The following IL1RAPL1 variants were observed in gnomAD, a reference collection of about 807,000 sequenced individuals.
The protein encoded by IL1RAPL1 is interleukin 1 receptor accessory protein like 1, also known as interleukin-1 receptor accessory protein-like 1.
A neutral mutation model predicts 48.4 loss-of-function variants in IL1RAPL1; 3 were observed. The observed-to-expected ratio is 0.06, with a 90% confidence interval of 0.03 to 0.16. The LOEUF (loss-of-function observed/expected upper bound fraction) is 0.16, where lower values mean the gene tolerates loss of function less well. IL1RAPL1 is among the 10% of genes least tolerant of loss of function. IL1RAPL1 has a pLI of 1.00. For synonymous variants in IL1RAPL1, 185 were observed against 187.7 expected (o/e 0.99, Z 0.12); for missense variants, 349 against 530.6 (o/e 0.66, Z 3.36).
chrX:29,169,015 A>G (rs1929860409), intron 2 of IL1RAPL1, among the ~76,000 whole-genome samples: 1 of 105,348 alleles, frequency 9.5e-6, no homozygotes, highest in South Asian at 4.0e-4. Flanking sequence ...ATATATGATA[A>G]ATGTGATATA....
chrX:29,230,529 A>AAAAAAAAAAAAAAAAAAAC (rs869274263), intron 2 of IL1RAPL1, among the ~76,000 whole-genome samples: 3 of 98,638 alleles, frequency 3.0e-5, no homozygotes, highest in Admixed American at 1.1e-4. Flanking sequence ...AAAAAAAAAA[A>AAAAAAAAAAAAAAAAAAAC]AAAAAACCTT....
chrX:29,550,186 C>A (rs189876283), intron 5 of IL1RAPL1, among the ~76,000 whole-genome samples: 72 of 110,587 alleles, frequency 6.5e-4, no homozygotes, highest in African/African-American at 2.3e-3. Flanking sequence ...AAATTCTTTT[C>A]TTTTCTTTTC....
intron 1 of IL1RAPL1, among the ~76,000 whole-genome samples, chrX:28,745,131 G>T (rs1935958461): frequency 9.0e-6 from 1 of 111,381 alleles, no homozygotes; most frequent in Admixed American, 9.6e-5. Flanking sequence ...TGGAAAGGGG[G>T]GTAAGTTGTG....
At chrX:29,727,680 T>C (rs1927809236) in intron 6 of IL1RAPL1, among the ~76,000 whole-genome samples, 1 of 111,606 alleles carries the variant, frequency 9.0e-6, no homozygotes. Context: ...TTCTCCCTCA[T>C]GCGCTCATCT....
intron 2 of IL1RAPL1, among the ~76,000 whole-genome samples, chrX:29,236,790 C>G (rs1295511594): frequency 1.9e-5 from 2 of 105,065 alleles, no homozygotes; most frequent in Non-Finnish European, 3.9e-5. Flanking sequence ...AGGATGGTCT[C>G]GATCTCCTGA....
At chrX:28,974,360 G>C (rs1488215063) in intron 2 of IL1RAPL1, among the ~76,000 whole-genome samples, 1 of 111,747 alleles carries the variant, frequency 8.9e-6, no homozygotes, top group African/African-American at 3.3e-5. Flanking sequence ...TTTAATTATT[G>C]AGTTTTCAAT....
At chrX:29,232,339 C>A (rs1299958252) in intron 2 of IL1RAPL1, among the ~76,000 whole-genome samples, 2 of 111,582 alleles carry the variant, frequency 1.8e-5, no homozygotes, top group Non-Finnish European at 3.8e-5. Context: ...AGGCTAGTAA[C>A]TAAAACATAT....
intron 2 of IL1RAPL1, among the ~76,000 whole-genome samples, chrX:29,081,214 T>C (rs1321755716): frequency 1.1e-5 from 1 of 91,787 alleles, no homozygotes; most frequent in East Asian, 3.6e-4. Context: ...CCACCACACC[T>C]GGCTAATTTT....
At chrX:29,238,313 A>G (rs1931346963) in intron 2 of IL1RAPL1, among the ~76,000 whole-genome samples, 1 of 112,201 alleles carries the variant, frequency 8.9e-6, no homozygotes, top group African/African-American at 3.2e-5. Flanking sequence ...CATGCAGTGA[A>G]TGTTTAAGAA....
At chrX:29,498,575 GTT>G (rs1935239478) in intron 5 of IL1RAPL1, among the ~76,000 whole-genome samples, 1 of 106,425 alleles carries the variant, frequency 9.4e-6, no homozygotes, top group Non-Finnish European at 1.9e-5. Context: ...TTAAATTGTG[GTT>G]TTTTCTTTTT....
intron 2 of IL1RAPL1, among the ~76,000 whole-genome samples, chrX:29,097,840 C>A (rs1382977233): frequency 8.9e-6 from 1 of 112,208 alleles, no homozygotes; most frequent in East Asian, 2.8e-4. Context: ...CCTAACAAAT[C>A]TGGTCATAGG....
At chrX:29,913,758 C>T (rs1399946837) in intron 6 of IL1RAPL1, among the ~76,000 whole-genome samples, 1 of 109,835 alleles carries the variant, frequency 9.1e-6, no homozygotes, top group Non-Finnish European at 1.9e-5. Flanking sequence ...CGTCAGTCTC[C>T]TATTTGAAAT....
At chrX:29,028,664 C>A (rs1325672461) in intron 2 of IL1RAPL1, among the ~76,000 whole-genome samples, 1 of 111,152 alleles carries the variant, frequency 9.0e-6, no homozygotes, top group African/African-American at 3.3e-5. Flanking sequence ...GTATTTCTGT[C>A]GCTGATTTTT....
intron 2 of IL1RAPL1, among the ~76,000 whole-genome samples, chrX:28,897,721 C>T (rs1053700320): frequency 1.8e-5 from 2 of 112,018 alleles, no homozygotes; most frequent in South Asian, 3.8e-4. Flanking sequence ...ATTTCACTCG[C>T]GTCTGTGTGA....
intron 5 of IL1RAPL1, among the ~76,000 whole-genome samples, chrX:29,568,292 A>G (rs975762020): frequency 4.2e-5 from 4 of 94,821 alleles, no homozygotes; most frequent in Non-Finnish European, 8.5e-5. Flanking sequence ...AAGATCAAGA[A>G]TAACAGATTA....
chrX:29,518,342 G>A (rs1433797736), intron 5 of IL1RAPL1, among the ~76,000 whole-genome samples: 1 of 110,920 alleles, frequency 9.0e-6, no homozygotes, highest in Non-Finnish European at 1.9e-5. Flanking sequence ...GTCTTGGGTG[G>A]AGTCCTAAGA....
At chrX:29,915,968 C>T (rs1167104466) in intron 6 of IL1RAPL1, among the ~76,000 whole-genome samples, 62 of 90,783 alleles carry the variant, frequency 6.8e-4, no homozygotes, top group African/African-American at 2.3e-3. Flanking sequence ...TCTCATTGTT[C>T]AATTCCCACG....
chrX:29,670,866 G>T (rs1390914230), intron 6 of IL1RAPL1, among the ~76,000 whole-genome samples: 2 of 111,888 alleles, frequency 1.8e-5, no homozygotes, highest in Non-Finnish European at 3.8e-5. Context: ...CTGCGCCCAT[G>T]ATGGGGAACT....
chrX:29,137,258 TCA>T (rs113222106), intron 2 of IL1RAPL1, among the ~76,000 whole-genome samples: 601 of 100,321 alleles, frequency 6.0e-3, no homozygotes, highest in African/African-American at 0.013. Flanking sequence ...ACACTTGCGC[TCA>T]CACACACACA....
Sources: gnomAD v4.1 joint callset for allele counts (sites outside exome capture counted in the v4.1 genomes callset) on GRCh38, gnomAD v4.1.1 for gene constraint, MANE v1.5 for transcripts, NCBI Gene and HGNC (gene_info 2026-07-23, HGNC 2026-07-21) for gene names.